IL6ST: variants seen among roughly 807,000 people sequenced by gnomAD.
IL6ST encodes the protein interleukin 6 cytokine family signal transducer, also known as interleukin-6 receptor subunit beta.
Under a neutral mutation model 91.3 loss-of-function variants are expected in IL6ST, and 24 were observed. The ratio of observed to expected loss-of-function variants is 0.26; its 90% CI spans 0.19 to 0.37. IL6ST has a LOEUF of 0.37. IL6ST is among the 10% of genes least tolerant of loss of function. IL6ST has a pLI of 1.00. For synonymous variants in IL6ST, 351 were observed against 373.6 expected (o/e 0.94, Z 0.70); for missense variants, 914 against 1,078.5 (o/e 0.85, Z 2.14).
chr5:55,957,017 G>A (rs975005610), intron 9 of IL6ST, among the ~76,000 whole-genome samples, 192 bp downstream of exon 9: 2 of 152,048 alleles, frequency 1.3e-5, no homozygotes, highest in Non-Finnish European at 1.5e-5. Flanking sequence ...AATTAGCGGG[G>A]CGTGGTGGCG....
chr5:55,949,193 T>C (rs1751459005), intron 14 of IL6ST, among the ~76,000 whole-genome samples: 1 of 152,148 alleles, frequency 6.6e-6, no homozygotes, highest in Non-Finnish European at 1.5e-5. Context: ...AAAAAAATTT[T>C]AGGCTGAGCA....
Position 55,941,383 on chromosome 5 carries a change from C to A in IL6ST, c.2456G>T (p.Cys819Phe), listed in dbSNP as rs1236517036. 1.2e-6 allele frequency: 2 copies of A among 1,614,100 alleles called. No homozygotes were observed. Among genetic ancestry groups the A allele is most frequent in the Non-Finnish European group, 1.7e-6 (2 of 1,179,934 alleles). The change falls in exon 17 of 17, where the codon TGC (cysteine) becomes TTC (phenylalanine). Residue 819 changes from cysteine (C) to phenylalanine (F), a missense_variant. Coordinates refer to ENST00000381298, the MANE Select transcript of IL6ST (RefSeq NM_002184.4). ...LPRQQYFKQN[C>F]SQHESSPDIS... ...ATCTGGACTGGATTCATGCTGACTG[C>A]AGTTCTGTTTGAAGTACTGTTGCCT...
intron 15 of IL6ST, among the ~76,000 whole-genome samples, chr5:55,945,881 C>A (rs1015317146): frequency 1.3e-5 from 2 of 151,828 alleles, no homozygotes; most frequent in Non-Finnish European, 2.9e-5. Context: ...AATCTCCTGA[C>A]CTTGTGAGCC....
At chr5:55,949,111 T>G (rs1007685269) in intron 14 of IL6ST, 3 of 152,168 alleles carry the variant, frequency 2.0e-5, no homozygotes, top group Non-Finnish European at 2.9e-5. Flanking sequence ...GGTAAGGGAC[T>G]AGGACTAATT....
Position 55,939,980 on chromosome 5 carries a change from C to T in IL6ST, c.*1102G>A. On this transcript the variant is annotated 3_prime_UTR_variant, in exon 17 of 17. Coordinates refer to ENST00000381298, the MANE Select transcript of IL6ST (RefSeq NM_002184.4). ...CCAAGTTGTCTTAGTGTGCCTCAAACATTTACTAAAAATAAAAAAATTTAA... is the reference window on the plus strand; with the variant it reads ...CCAAGTTGTCTTAGTGTGCCTCAAATATTTACTAAAAATAAAAAAATTTAA... The T allele has an allele frequency of 5.0e-6, 1 of 201,202 alleles. No homozygotes were observed. The highest frequency in any genetic ancestry group is 7.6e-5 in the East Asian group (1 of 13,110). 12.5% of individuals were successfully genotyped at this position (201,202 alleles called of 1,614,324 possible).
chr5:55,960,449 T>A lies in IL6ST; in HGVS notation c.926A>T (p.Tyr309Phe). 6.2e-7 allele frequency: 1 copy of A among 1,614,044 alleles called. No individual in the cohort carries two copies. Among genetic ancestry groups the A allele is most frequent in the Non-Finnish European group, 8.5e-7 (1 of 1,179,906 alleles). The change falls in exon 8 of 17, where the codon TAC (tyrosine) becomes TTC (phenylalanine). Residue 309 changes from tyrosine to phenylalanine, a missense_variant. Physicochemically the swap from Tyr to Phe is conservative, Grantham distance 22. Coordinates refer to ENST00000381298, the MANE Select transcript of IL6ST (RefSeq NM_002184.4). ...TGCTTCTTCACTCCAGTCACTCCAGTATCCCTTACCATCTTCCTTCATACA... is the reference window on the plus strand; with the variant it reads ...TGCTTCTTCACTCCAGTCACTCCAGAATCCCTTACCATCTTCCTTCATACA... Reference protein sequence around the residue: ...IRCMKEDGKGYWSDWSEEASG... With the variant: ...IRCMKEDGKGFWSDWSEEASG...
At chr5:55,945,255 G>A (rs556053097) in intron 15 of IL6ST, among the ~76,000 whole-genome samples, 1 of 152,026 alleles carries the variant, frequency 6.6e-6, no homozygotes, top group African/African-American at 2.4e-5. Context: ...ATTTACTATA[G>A]AGCTATACTC....
intron 15 of IL6ST, among the ~76,000 whole-genome samples, chr5:55,945,647 G>GTTTTT (rs1751197944): frequency 1.8e-5 from 1 of 54,234 alleles, no homozygotes; most frequent in Non-Finnish European, 4.0e-5. Flanking sequence ...AAAAACTTAT[G>GTTTTT]CTTTTTTTTT....
At chr5:55,951,254 A>G (rs1348915681) in intron 14 of IL6ST, among the ~76,000 whole-genome samples, 1 of 152,222 alleles carries the variant, frequency 6.6e-6, no homozygotes, top group Non-Finnish European at 1.5e-5. Flanking sequence ...GATTTTTAGT[A>G]CAGCTGAATA....
At chr5:55,986,134 T>G (rs1753953944) in intron 1 of IL6ST, among the ~76,000 whole-genome samples, 2 of 152,248 alleles carry the variant, frequency 1.3e-5, no homozygotes, top group Non-Finnish European at 2.9e-5. Context: ...TACGTGAATT[T>G]GGTTGATAGT....
At chr5:55,948,216 C>T (rs896538283) in intron 14 of IL6ST, among the ~76,000 whole-genome samples, 1 of 152,082 alleles carries the variant, frequency 6.6e-6, no homozygotes, top group Admixed American at 6.5e-5. Context: ...AGCCTAAGAT[C>T]CCTAAATACC....
chr5:55,980,047 CAAAA>C (rs1243470632), intron 2 of IL6ST, among the ~76,000 whole-genome samples: 1 of 152,020 alleles, frequency 6.6e-6, no homozygotes, highest in African/African-American at 2.4e-5. Context: ...TATTTGTGGG[CAAAA>C]CAATATACAA....
chr5:55,963,093 A>G (rs1752418814), intron 7 of IL6ST, among the ~76,000 whole-genome samples: 1 of 147,666 alleles, frequency 6.8e-6, no homozygotes, highest in African/African-American at 2.5e-5. Flanking sequence ...CTCTAGAAGA[A>G]AAAAAAAAAA....
At chr5:55,985,531 A>AT (rs1753916420) in intron 1 of IL6ST, among the ~76,000 whole-genome samples, 1 of 151,220 alleles carries the variant, frequency 6.6e-6, no homozygotes, top group African/African-American at 2.5e-5. Flanking sequence ...AAAAAAAAAA[A>AT]AATATAAAAA....
In IL6ST at chr5:55,984,324, C is replaced by T. The variant is rs765111688; in HGVS notation, c.-103-1513G>A. Among the ~76,000 whole-genome samples, 229 of 152,000 alleles carry T rather than the reference C, an allele frequency of 1.5e-3. 1 individual carries two copies. Among genetic ancestry groups the T allele is most frequent in the Non-Finnish European group, 2.4e-3 (161 of 68,000 alleles). On this transcript the variant is annotated intron_variant, in intron 1 of 16. Transcript: ENST00000381298. ...TTTGTTTGTTATGGGCTGAACTGTT[C>T]CCCCCAAAAAATATGTTGAAGTCTT...
At position 55,944,629 on chromosome 5, in the gene IL6ST, C is replaced by A. The variant is rs943771228; in HGVS notation, c.1938-1878G>T. On this transcript the variant is annotated intron_variant, in intron 15 of 16. Coordinates refer to ENST00000381298, the MANE Select transcript of IL6ST (RefSeq NM_002184.4). The stretch of plus-strand genomic sequence containing the variant: ...GACTGCAGTTCTCTCTCGGCCTTAG[C>A]GCCATTTTTTTGGAAACCTCGGCGC... 24 of 737,538 alleles carry A rather than the reference C, an allele frequency of 3.3e-5. No homozygotes were observed. The African/African-American group carries it at 3.5e-4, about 11-fold the overall frequency. The allele number at this position is 737,538 out of a possible 1,614,324, so 45.7% of individuals were successfully genotyped here. A position where few individuals can be genotyped will look rare whatever the true frequency, so the allele number is the denominator to read the frequency against.
chr5:55,968,717 G>A (rs1317373648), intron 4 of IL6ST, among the ~76,000 whole-genome samples: 1 of 152,086 alleles, frequency 6.6e-6, no homozygotes, highest in Non-Finnish European at 1.5e-5. Context: ...ATTTTTAAAA[G>A]TAATATATAC....
chr5:55,965,912 G>A (rs1467527370), intron 5 of IL6ST, among the ~76,000 whole-genome samples: 2 of 151,322 alleles, frequency 1.3e-5, no homozygotes, highest in African/African-American at 4.9e-5. Context: ...TATCAAATAT[G>A]TTTAAATATA....
chr5:55,965,945 C>G (rs1055519729), intron 5 of IL6ST, among the ~76,000 whole-genome samples: 18 of 151,802 alleles, frequency 1.2e-4, no homozygotes, highest in African/African-American at 3.9e-4. Context: ...GAAAGAAAAG[C>G]CCTCATTATT....
Sources: allele counts gnomAD v4.1 joint callset (sites outside exome capture counted in the v4.1 genomes callset), GRCh38; gene constraint gnomAD v4.1.1; transcripts MANE v1.5; gene names NCBI Gene and HGNC (gene_info 2026-07-23, HGNC 2026-07-21).